PDE8A: variants seen among roughly 807,000 people sequenced by gnomAD.
PDE8A encodes high affinity cAMP-specific and IBMX-insensitive 3',5'-cyclic phosphodiesterase 8A.
Under a neutral mutation model 105.0 loss-of-function variants are expected in PDE8A, and 59 were observed. That is an observed-to-expected ratio of 0.56 (90% CI 0.46 to 0.70). The LOEUF (loss-of-function observed/expected upper bound fraction) is 0.70, where lower values mean the gene tolerates loss of function less well. Ranked by LOEUF, PDE8A falls within the 30% of genes least tolerant of loss-of-function variation. The pLI is 0.00. For synonymous variants in PDE8A, 355 were observed against 371.9 expected, an observed-to-expected ratio of 0.95 and a Z score of 0.52; for missense variants, 1,014 against 1,045.9, an observed-to-expected ratio of 0.97 and a Z score of 0.42.
intron 8 of PDE8A, among the ~76,000 whole-genome samples, chr15:85,093,402 T>A (rs1466424893): frequency 6.6e-6 from 1 of 152,136 alleles, no homozygotes; most frequent in Non-Finnish European, 1.5e-5. Flanking sequence ...CAGGGCTTGT[T>A]GAGGGGTCAG....
chr15:85,077,724 T>C (rs568517599), intron 5 of PDE8A, among the ~76,000 whole-genome samples: 1 of 152,186 alleles, frequency 6.6e-6, no homozygotes, highest in Admixed American at 6.5e-5. Context: ...ATATGAATTA[T>C]AAAGCAAGTA....
At chr15:85,044,342 A>G (rs991022378) in intron 1 of PDE8A, among the ~76,000 whole-genome samples, 15 of 137,222 alleles carry the variant, frequency 1.1e-4, no homozygotes, top group Non-Finnish European at 1.9e-4. Context: ...TGATGGGAAA[A>G]TCAGGAACAG....
chr15:85,054,060 C>T (rs935351077), intron 1 of PDE8A, among the ~76,000 whole-genome samples: 3 of 152,208 alleles, frequency 2.0e-5, no homozygotes, highest in Non-Finnish European at 4.4e-5. Flanking sequence ...GCCTTTTCTG[C>T]ATCTATTGAG....
chr15:85,007,185 A>T (rs960314154), intron 1 of PDE8A, among the ~76,000 whole-genome samples: 8 of 152,054 alleles, frequency 5.3e-5, no homozygotes, highest in African/African-American at 1.7e-4. Context: ...TTAGAGGGGG[A>T]CTAGGAGAAC....
chr15:84,999,232 T>A (rs2080027284), intron 1 of PDE8A, among the ~76,000 whole-genome samples: 1 of 151,284 alleles, frequency 6.6e-6, no homozygotes, highest in Non-Finnish European at 1.5e-5. Context: ...GCGATTCTCC[T>A]GCCTCAGCCT....
intron 1 of PDE8A, among the ~76,000 whole-genome samples, chr15:85,055,162 C>G (rs1295777546): frequency 6.6e-6 from 1 of 152,190 alleles, no homozygotes; most frequent in East Asian, 1.9e-4. Context: ...TTTGACTGCA[C>G]TGTGGTCTGA....
intron 1 of PDE8A, among the ~76,000 whole-genome samples, chr15:85,025,341 T>C (rs1478671759): frequency 6.6e-6 from 1 of 151,634 alleles, no homozygotes; most frequent in Non-Finnish European, 1.5e-5. Context: ...CCCTTTCATT[T>C]GGGAGGCTTC....
At chr15:85,092,920 CTTT>C (rs5814181) in intron 8 of PDE8A, among the ~76,000 whole-genome samples, 4 of 132,012 alleles carry the variant, frequency 3.0e-5, no homozygotes, top group Non-Finnish European at 3.3e-5. Flanking sequence ...TACTGCTTTC[CTTT>C]TTTTTTTTTT....
chr15:85,009,104 AGAGAGAGTGTGTGTGTGTGTGT>A (rs754643431), intron 1 of PDE8A, among the ~76,000 whole-genome samples: 6 of 142,386 alleles, frequency 4.2e-5, no homozygotes, highest in Non-Finnish European at 7.7e-5. Context: ...AGAGAGAGAG[AGAGAGAGTGTGTGTGTGTGTGT>A]GTGTGTGTGT....
chr15:85,072,418 T>C (rs573345092), intron 3 of PDE8A, among the ~76,000 whole-genome samples: 1 of 152,326 alleles, frequency 6.6e-6, no homozygotes, highest in South Asian at 2.1e-4. Context: ...AATAACAGAA[T>C]CTCTGATGTG....
intron 20 of PDE8A, among the ~76,000 whole-genome samples, chr15:85,129,383 A>T (rs2082300072): frequency 6.6e-6 from 1 of 152,054 alleles, no homozygotes; most frequent in Non-Finnish European, 1.5e-5. Context: ...CTTTCTTGGG[A>T]GGTTTTTGAT....
In PDE8A at chr15:84,982,087, C is replaced by T; in HGVS notation, c.-76C>T. On this transcript the variant is annotated 5_prime_UTR_variant, in exon 1 of 22. Transcript: ENST00000394553. ...GGCGATGACACGGCGCCCGCGGCGG[C>T]CCGGAGGCGCCGGGTGGGCCGTTTG... is the stretch of plus-strand genomic sequence containing the variant. 1.0e-6 allele frequency: 1 copy of T among 995,896 alleles called. No homozygotes were observed. Among genetic ancestry groups the T allele is most frequent in the Non-Finnish European group, 1.3e-6 (1 of 783,502 alleles). The allele number at this position is 995,896 out of a possible 1,614,324, so 61.7% of individuals were successfully genotyped here. A position where few individuals can be genotyped will look rare whatever the true frequency, so the allele number is the denominator to read the frequency against.
chr15:85,109,119 G>T lies in PDE8A; in HGVS notation c.1103G>T (p.Arg368Leu), dbSNP rs536962158. Residue 368 changes from arginine (R) to leucine (L), a missense_variant, in exon 12 of 22, where the codon CGT becomes CTT. Arg to Leu is a moderately radical substitution (Grantham distance 102). Coordinates refer to ENST00000394553, the MANE Select transcript of PDE8A (RefSeq NM_002605.3). ...GSLDVKAVAS[R>L]ATEVSSQRRH... ...CTAGACGTCAAAGCTGTTGCCTCCC[G>T]TGCAACTGAAGGTGAGTGACAAAGA... is the stretch of plus-strand genomic sequence containing the variant. The T allele has an allele frequency of 3.7e-6, 6 of 1,607,650 alleles. No homozygotes were observed. Among genetic ancestry groups the T allele is most frequent in the East Asian group, 2.2e-5 (1 of 44,842 alleles).
At chr15:84,997,490 C>T (rs918117745) in intron 1 of PDE8A, among the ~76,000 whole-genome samples, 1 of 152,082 alleles carries the variant, frequency 6.6e-6, no homozygotes, top group South Asian at 2.1e-4. Context: ...GCCAACGCAC[C>T]CAGCCTTGAT....
At position 85,036,958 on chromosome 15, in the gene PDE8A, C is replaced by T. The variant is rs562726912; in HGVS notation, c.187-27412C>T. 1.6e-4 allele frequency among the ~76,000 whole-genome samples: 25 copies of T among 152,206 alleles called. No individual in the cohort carries two copies. In the East Asian group the frequency reaches 4.2e-3, roughly 26 times the overall value. On this transcript the variant is annotated intron_variant, in intron 1 of 21. Coordinates refer to ENST00000394553, the MANE Select transcript of PDE8A (RefSeq NM_002605.3). ...AGTGAGGGAGATAGAACAGTCCCCA[C>T]CCCCAGCTTCTTCCCCAGTGGCAGG...
intron 1 of PDE8A, among the ~76,000 whole-genome samples, chr15:85,004,265 C>G (rs1028381141): frequency 6.6e-6 from 1 of 152,180 alleles, no homozygotes; most frequent in African/African-American, 2.4e-5. Flanking sequence ...CAGCAACATC[C>G]TTGCCTCATT....
chr15:85,051,928 C>T (rs1288912755), intron 1 of PDE8A, among the ~76,000 whole-genome samples: 1 of 152,158 alleles, frequency 6.6e-6, no homozygotes, highest in African/African-American at 2.4e-5. Flanking sequence ...CCCGTTAACT[C>T]ATCATTTACA....
intron 15 of PDE8A, 96 bp downstream of exon 15, chr15:85,115,583 C>A: frequency 1.6e-6 from 1 of 637,924 alleles, no homozygotes; most frequent in Non-Finnish European, 2.6e-6. Context: ...TAAGAAGTTT[C>A]TTGGTATGTC....
intron 12 of PDE8A, among the ~76,000 whole-genome samples, chr15:85,111,863 G>A (rs1316432297): frequency 1.3e-5 from 2 of 152,108 alleles, no homozygotes; most frequent in Admixed American, 6.5e-5. Context: ...TCTCAGCAGT[G>A]TTTTACATTT....
Sources: allele counts gnomAD v4.1 joint callset (sites outside exome capture counted in the v4.1 genomes callset), GRCh38; gene constraint gnomAD v4.1.1; transcripts MANE v1.5; gene names NCBI Gene and HGNC (gene_info 2026-07-23, HGNC 2026-07-21).